Variants in BANP observed in about 807,000 individuals in gnomAD.
BANP encodes the protein protein BANP.
BANP carries 11 observed loss-of-function variants against 68.1 expected under a neutral mutation model. The ratio of observed to expected loss-of-function variants is 0.16; its 90% CI spans 0.10 to 0.27. The LOEUF is 0.27. Among genes scored for constraint, BANP ranks in the 10% least tolerant of loss-of-function variants. BANP has a pLI of 1.00. For synonymous variants in BANP, 329 were observed against 303.2 expected, an observed-to-expected ratio of 1.09 and a Z score of -0.88; for missense variants, 504 against 722.7, an observed-to-expected ratio of 0.70 and a Z score of 3.47.
chr16:88,074,553 A>G (rs2091184508), intron 13 of BANP, among the ~76,000 whole-genome samples: 1 of 152,090 alleles, frequency 6.6e-6, no homozygotes, highest in Non-Finnish European at 1.5e-5. Context: ...TGCCCAGAAC[A>G]CAGGTCTGGC....
intron 1 of BANP, among the ~76,000 whole-genome samples, chr16:87,968,274 G>A (rs58261902): frequency 2.6e-5 from 4 of 151,368 alleles, no homozygotes; most frequent in East Asian, 4.0e-4. Flanking sequence ...ACCTGAGGCC[G>A]GGAGTTCGAG....
chr16:88,017,586 A>G (rs936683348), intron 6 of BANP, among the ~76,000 whole-genome samples: 6 of 152,250 alleles, frequency 3.9e-5, no homozygotes, highest in African/African-American at 1.4e-4. Flanking sequence ...AGGGTCAGCT[A>G]GGAAGCTGAG....
rs562444566 is a variant in BANP, at chr16:88,018,341, G to A, written c.656-87G>A. ...CAGCCCTGCGTGGAGCATCTTTCCC[G>A]ACTGTGCCTGAGCAGAGCGCTCTGC... On this transcript the variant is annotated intron_variant, in intron 6 of 13. Coordinates refer to ENST00000682872, the MANE Select transcript of BANP (RefSeq NM_001386991.1). This position sits in a 1 kb window ranked among gnomAD's most constrained non-coding sequence, Gnocchi z 7.7. 5 of 1,498,702 alleles carry A rather than the reference G, an allele frequency of 3.3e-6. No individual in the cohort carries two copies. The highest frequency in any genetic ancestry group is 1.9e-5 in the Admixed American group (1 of 53,510). 92.8% of individuals were successfully genotyped at this position (1,498,702 alleles called of 1,614,324 possible).
At chr16:87,955,996 G>T (rs1425197932) in intron 1 of BANP, among the ~76,000 whole-genome samples, 1 of 152,200 alleles carries the variant, frequency 6.6e-6, no homozygotes, top group East Asian at 1.9e-4. Context: ...CCACACGGAA[G>T]GCCTTCCCAC....
intron 8 of BANP, among the ~76,000 whole-genome samples, chr16:88,028,260 G>A (rs772419306): frequency 6.6e-6 from 1 of 152,346 alleles, no homozygotes; most frequent in Non-Finnish European, 1.5e-5. Context: ...CATTGGCAGC[G>A]ACTCTTGGAA....
intron 8 of BANP, among the ~76,000 whole-genome samples, chr16:88,028,637 C>A (rs181764853): frequency 8.7e-4 from 132 of 152,310 alleles, no homozygotes; most frequent in African/African-American, 3.1e-3. Flanking sequence ...ATGAGGAATT[C>A]TGCCTTGGGA....
intron 1 of BANP, among the ~76,000 whole-genome samples, chr16:87,952,977 C>G (rs778888983): frequency 1.3e-5 from 2 of 152,072 alleles, no homozygotes; most frequent in African/African-American, 2.4e-5. Context: ...GCCTTGTTGT[C>G]CAGCCTGGGG....
chr16:87,955,236 C>CAT (rs2057807427), intron 1 of BANP, among the ~76,000 whole-genome samples: 1 of 151,802 alleles, frequency 6.6e-6, no homozygotes, highest in African/African-American at 2.4e-5. Flanking sequence ...GCTCTGTCTG[C>CAT]CAGAGCCTTG....
intron 4 of BANP, among the ~76,000 whole-genome samples, chr16:87,990,321 T>C (rs569649046): frequency 3.7e-4 from 57 of 152,364 alleles, no homozygotes; most frequent in African/African-American, 1.3e-3. Context: ...TAAAGTGTGA[T>C]TTCTTTTACA....
chr16:88,051,540 C>T (rs1270950231), intron 11 of BANP, among the ~76,000 whole-genome samples: 2 of 152,192 alleles, frequency 1.3e-5, no homozygotes, highest in Non-Finnish European at 2.9e-5. Flanking sequence ...CAGTGCTGAG[C>T]GCGATGTGTT....
chr16:87,960,715 T>C (rs928396950), intron 1 of BANP, among the ~76,000 whole-genome samples: 3 of 152,222 alleles, frequency 2.0e-5, no homozygotes, highest in African/African-American at 7.2e-5. Flanking sequence ...ACTTTCATTG[T>C]ATTTTGAAGT....
At chr16:87,955,484 A>G (rs1316019880) in intron 1 of BANP, among the ~76,000 whole-genome samples, 2 of 152,198 alleles carry the variant, frequency 1.3e-5, no homozygotes, top group Non-Finnish European at 2.9e-5. Flanking sequence ...CCAGGCATCC[A>G]TATAAACGCC....
At chr16:88,030,449 C>T (rs924106634) in intron 8 of BANP, among the ~76,000 whole-genome samples, 3 of 152,154 alleles carry the variant, frequency 2.0e-5, no homozygotes, top group Non-Finnish European at 4.4e-5. Context: ...GTTTCGGGTA[C>T]GTGCATTTGG....
At chr16:88,010,288 A>G (rs1745621516) in intron 6 of BANP, among the ~76,000 whole-genome samples, 1 of 152,246 alleles carries the variant, frequency 6.6e-6, no homozygotes, top group Non-Finnish European at 1.5e-5. Flanking sequence ...TATGCATTTG[A>G]TAATTCTTAC....
intron 7 of BANP, among the ~76,000 whole-genome samples, chr16:88,019,942 A>G (rs1240608378): frequency 6.6e-6 from 1 of 152,204 alleles, no homozygotes; most frequent in Non-Finnish European, 1.5e-5. Context: ...GGTCCCACCC[A>G]CATGCGTGTG....
At chr16:87,981,009 AT>A (rs200726462) in intron 2 of BANP, 26 bp from the exon 3 acceptor site, 40 of 1,525,084 alleles carry the variant, frequency 2.6e-5, no homozygotes, top group Non-Finnish European at 3.0e-5. Flanking sequence ...CATGTTAAAC[AT>A]TTTTTTTCTC....
rs112886178 is a variant in BANP at position 88,075,678 on chromosome 16, G to T, written c.1522-912G>T. Among the ~76,000 whole-genome samples, 53 of 152,212 alleles carry T rather than the reference G, an allele frequency of 3.5e-4. 1 individual carries two copies. The highest frequency in any genetic ancestry group is 1.2e-3 in the African/African-American group (51 of 41,528). On this transcript the variant is annotated intron_variant, in intron 13 of 13. Transcript: ENST00000682872. ...AGCCCTAGAGTGGGCTCCTCCACCT[G>T]GGGCGTGTTCCGTGTGGCTGAGCTG...
chr16:87,951,725 C>T (rs2056912529), intron 1 of BANP, among the ~76,000 whole-genome samples: 1 of 150,824 alleles, frequency 6.6e-6, no homozygotes, highest in African/African-American at 2.4e-5. Context: ...GCTCCCGCTT[C>T]CTCGCTTCCG....
intron 11 of BANP, among the ~76,000 whole-genome samples, chr16:88,048,246 C>G (rs112336572): frequency 2.0e-5 from 3 of 152,276 alleles, no homozygotes; most frequent in African/African-American, 7.2e-5. Flanking sequence ...AAGACTTAGC[C>G]AACTAAAAAT....
Sources: allele counts gnomAD v4.1 joint callset (sites outside exome capture counted in the v4.1 genomes callset), GRCh38; gene constraint gnomAD v4.1.1; non-coding constraint Gnocchi (gnomAD v3.1); transcripts MANE v1.5; gene names NCBI Gene and HGNC (gene_info 2026-07-23, HGNC 2026-07-21).